CLN8: variants seen among roughly 807,000 people sequenced by gnomAD.
The protein encoded by CLN8 is protein CLN8.
In CLN8, 14 loss-of-function variants were observed where a neutral mutation model predicts 15.7. That is an observed-to-expected ratio of 0.89 (90% CI 0.59 to 1.39). The LOEUF (loss-of-function observed/expected upper bound fraction) is 1.39, where lower values mean the gene tolerates loss of function less well. CLN8 is among the 40% of genes most tolerant of loss of function. The pLI, the probability that CLN8 is intolerant of heterozygous loss-of-function variation, is 0.00. For synonymous variants in CLN8, 188 were observed against 151.0 expected (o/e 1.25, Z -1.80); for missense variants, 415 against 364.0 (o/e 1.14, Z -1.14).
upstream of CLN8, among the ~76,000 whole-genome samples, chr8:1,754,740 G>A (rs368439839): frequency 4.6e-5 from 7 of 152,188 alleles, no homozygotes; most frequent in Admixed American, 2.0e-4. Flanking sequence ...TGGGCAAGCC[G>A]TCTGTAGACA....
chr8:1,755,066 G>A (rs1255875942), upstream of CLN8, among the ~76,000 whole-genome samples: 1 of 152,100 alleles, frequency 6.6e-6, no homozygotes, highest in African/African-American at 2.4e-5. Context: ...GCTTCTAAGG[G>A]CCACTTCAGG....
intron 1 of CLN8, chr8:1,764,982 T>G (rs940151811): frequency 9.2e-5 from 14 of 152,216 alleles, no homozygotes; most frequent in African/African-American, 3.1e-4. Flanking sequence ...GAAAGAGCAA[T>G]GGTGCAGGAA....
rs933277288 is a variant in CLN8, at chr8:1,781,640, G to A, written c.*1073G>A. On this transcript the variant is annotated 3_prime_UTR_variant, in exon 3 of 3. Coordinates refer to ENST00000331222, the MANE Select transcript of CLN8 (RefSeq NM_018941.4). ...AAGGTAAGGATTTCATAATCAGGTT[G>A]TCTGGGTTTCAGAGCTGTTTTTAAT... 6.6e-6 allele frequency: 1 copy of A among 151,944 alleles called. No homozygotes were observed. Among genetic ancestry groups the A allele is most frequent in the Non-Finnish European group, 1.5e-5 (1 of 68,022 alleles). 9.4% of individuals were successfully genotyped at this position (151,944 alleles called of 1,614,324 possible). A position where few individuals can be genotyped will look rare whatever the true frequency, so the allele number is the denominator to read the frequency against.
At chr8:1,763,381 C>G (rs1261291959), upstream of CLN8, 1 of 98,106 alleles carries the variant, frequency 1.0e-5, no homozygotes, top group Non-Finnish European at 2.3e-5. Context: ...CGCCGCCCCA[C>G]AGCGCCCGCC....
intron 2 of CLN8, among the ~76,000 whole-genome samples, chr8:1,778,800 C>T (rs1801610603): frequency 6.6e-6 from 1 of 152,138 alleles, no homozygotes; most frequent in African/African-American, 2.4e-5. Flanking sequence ...TCTAATTGTC[C>T]TCACATTAAT....
chr8:1,757,758 C>T (rs889097336), intron 1 of CLN8, among the ~76,000 whole-genome samples: 1 of 152,102 alleles, frequency 6.6e-6, no homozygotes, highest in Admixed American at 6.6e-5. Flanking sequence ...TTGTTATGGG[C>T]ATTTTTAAAG....
At chr8:1,777,268 G>C (rs1165820408) in intron 2 of CLN8, among the ~76,000 whole-genome samples, 8 of 152,134 alleles carry the variant, frequency 5.3e-5, no homozygotes, top group Non-Finnish European at 5.9e-5. Context: ...TGTTAAAGAT[G>C]AAAAATGGCA....
rs1282005850 is a variant in CLN8, at chr8:1,786,379, C to G, written c.*5812C>G. On this transcript the variant is annotated 3_prime_UTR_variant, in exon 3 of 3. Coordinates refer to ENST00000331222, the MANE Select transcript of CLN8 (RefSeq NM_018941.4). Reference sequence around the variant, plus strand: ...GCATGTTGACGCTTTCAGTTCACCCCTTTCTTTGCTAACTTTCTTCCTATT... The same window carrying G: ...GCATGTTGACGCTTTCAGTTCACCCGTTTCTTTGCTAACTTTCTTCCTATT... The G allele has an allele frequency of 6.6e-6, 1 of 152,250 alleles. No individual in the cohort carries two copies. The highest frequency in any genetic ancestry group is 1.5e-5 in the Non-Finnish European group (1 of 68,036). 9.4% of individuals were successfully genotyped at this position (152,250 alleles called of 1,614,324 possible).
Position 1,783,885 on chromosome 8 carries a change from C to G in CLN8, c.*3318C>G, listed in dbSNP as rs1801767124. On this transcript the variant is annotated 3_prime_UTR_variant, in exon 3 of 3. Transcript: ENST00000331222. The stretch of plus-strand genomic sequence containing the variant: ...GCCGTGCCTGCCTTGGGCGCAGCCT[C>G]CGGCGCCAGAGCTGGGCTCTTCAAC... The G allele has an allele frequency of 6.6e-6, 1 of 152,240 alleles. No individual in the cohort carries two copies. The highest frequency in any genetic ancestry group is 2.1e-4 in the South Asian group (1 of 4,834). The allele number at this position is 152,240 out of a possible 1,614,324, so 9.4% of individuals were successfully genotyped here. A position where few individuals can be genotyped will look rare whatever the true frequency, so the allele number is the denominator to read the frequency against.
At chr8:1,767,659 C>T (rs1189755717) in intron 1 of CLN8, among the ~76,000 whole-genome samples, 1 of 150,546 alleles carries the variant, frequency 6.6e-6, no homozygotes, top group Non-Finnish European at 1.5e-5. Flanking sequence ...GCCACCTCCA[C>T]CTCCCGGGTT....
At chr8:1,772,224 C>T (rs554035630) in intron 2 of CLN8, among the ~76,000 whole-genome samples, 69 of 152,234 alleles carry the variant, frequency 4.5e-4, no homozygotes, top group South Asian at 3.3e-3. Context: ...ATGTGAGCCA[C>T]CGTGCCTGGC....
intron 2 of CLN8, among the ~76,000 whole-genome samples, chr8:1,772,004 C>T (rs1005072301): frequency 7.2e-5 from 11 of 151,876 alleles, no homozygotes; most frequent in African/African-American, 1.2e-4. Context: ...GGCATGGTTT[C>T]GGCTCACTGC....
intron 1 of CLN8, among the ~76,000 whole-genome samples, chr8:1,769,044 G>A (rs868690308): frequency 6.6e-5 from 10 of 152,156 alleles, no homozygotes; most frequent in East Asian, 3.9e-4. Flanking sequence ...CACGGGAGCC[G>A]TTTCTCTAGG....
intron 2 of CLN8, chr8:1,779,885 C>G: frequency 1.1e-6 from 1 of 941,232 alleles, no homozygotes; most frequent in Non-Finnish European, 1.3e-6. Flanking sequence ...TCTGGTTTTG[C>G]CAAATAAGTA....
chr8:1,782,371 C>G lies in CLN8; in HGVS notation c.*1804C>G, dbSNP rs542709018. Reference sequence around the variant, plus strand: ...TGTTGGCCAGGCTGGTCTCTGACTCCTGACTAAAAGTGATCTGCCCACCTC... The same window carrying G: ...TGTTGGCCAGGCTGGTCTCTGACTCGTGACTAAAAGTGATCTGCCCACCTC... On this transcript the variant is annotated 3_prime_UTR_variant, in exon 3 of 3. Transcript: ENST00000331222. 3.9e-5 allele frequency: 6 copies of G among 152,308 alleles called. No individual in the cohort carries two copies. The East Asian group carries it at 9.7e-4, about 25-fold the overall frequency. The allele number at this position is 152,308 out of a possible 1,614,324, so 9.4% of individuals were successfully genotyped here. A position where few individuals can be genotyped will look rare whatever the true frequency, so the allele number is the denominator to read the frequency against.
chr8:1,775,445 A>G (rs1681479965), intron 2 of CLN8, among the ~76,000 whole-genome samples: 1 of 152,184 alleles, frequency 6.6e-6, no homozygotes, highest in Admixed American at 6.6e-5. Context: ...TTGTTCCTGT[A>G]GATTTTGCTA....
Position 1,785,164 on chromosome 8 carries a change from C to G in CLN8, c.*4597C>G, listed in dbSNP as rs1283129482. ...TCGCTCTGCCCTCACGCCGCTGAAC[C>G]GCGAGGGTCTCCCGCTCCTCAGGCT... On this transcript the variant is annotated 3_prime_UTR_variant, in exon 3 of 3. Transcript: ENST00000331222. The G allele has an allele frequency of 6.1e-6, 1 of 162,894 alleles. No homozygotes were observed. Among genetic ancestry groups the G allele is most frequent in the African/African-American group, 2.4e-5 (1 of 41,752 alleles). 10.1% of individuals were successfully genotyped at this position (162,894 alleles called of 1,614,324 possible).
At chr8:1,767,597 G>C (rs1035825997) in intron 1 of CLN8, among the ~76,000 whole-genome samples, 1 of 133,120 alleles carries the variant, frequency 7.5e-6, no homozygotes, top group African/African-American at 2.9e-5. Flanking sequence ...TTTGAGACGG[G>C]GTCTCATCTT....
At position 1,765,644 on chromosome 8, in the gene CLN8, A is replaced by T. The variant is rs115185169; in HGVS notation, c.-124+1759A>T. ...GGAATGTCAGTTCAAAAGAGAATAC[A>T]CAAAACTAGGATTTTCTTAGTGAGT... On this transcript the variant is annotated intron_variant, in intron 1 of 2. Transcript: ENST00000331222. Among the ~76,000 whole-genome samples, 689 of 152,356 alleles carry T rather than the reference A, an allele frequency of 4.5e-3. 3 individuals are homozygous for T. Among genetic ancestry groups the T allele is most frequent in the African/African-American group, 0.016 (648 of 41,586 alleles).
Sources: gnomAD v4.1 joint callset for allele counts (sites outside exome capture counted in the v4.1 genomes callset) on GRCh38, gnomAD v4.1.1 for gene constraint, MANE v1.5 for transcripts, NCBI Gene and HGNC (gene_info 2026-07-23, HGNC 2026-07-21) for gene names.